STRBP: variants seen among roughly 807,000 people sequenced by gnomAD.
STRBP encodes the protein spermatid perinuclear RNA binding protein.
Under a neutral mutation model 80.1 loss-of-function variants are expected in STRBP, and 13 were observed. The ratio of observed to expected loss-of-function variants is 0.16; its 90% CI spans 0.11 to 0.26. The LOEUF (loss-of-function observed/expected upper bound fraction) is 0.26. STRBP is among the 10% of genes least tolerant of loss of function. STRBP has a pLI of 1.00. For synonymous variants in STRBP, 284 were observed against 291.2 expected (o/e 0.98, Z 0.25); for missense variants, 485 against 815.2 (o/e 0.59, Z 4.93).
intron 11 of STRBP, among the ~76,000 whole-genome samples, chr9:123,149,572 G>A (rs1348721408): frequency 6.6e-6 from 1 of 152,188 alleles, no homozygotes; most frequent in Non-Finnish European, 1.5e-5. Context: ...GCTGTAAAAT[G>A]TGGGGCTAAT....
intron 6 of STRBP, among the ~76,000 whole-genome samples, chr9:123,164,536 C>G (rs1189113012): frequency 1.3e-5 from 2 of 152,130 alleles, no homozygotes; most frequent in Non-Finnish European, 2.9e-5. Context: ...TCTCTCAATG[C>G]CTTACATGCA....
intron 1 of STRBP, among the ~76,000 whole-genome samples, chr9:123,263,183 T>C (rs2132658476): frequency 6.6e-6 from 1 of 151,372 alleles, no homozygotes; most frequent in South Asian, 2.1e-4. Context: ...CCTAAGAGAG[T>C]AAACTATTAG....
At chr9:123,111,245 G>T (rs906895302) in intron 3 of STRBP, 2 of 184,824 alleles carry the variant, frequency 1.1e-5, no homozygotes, top group Non-Finnish European at 2.5e-5. Flanking sequence ...GTCTTGCCAC[G>T]GACCCACCAC....
chr9:123,204,326 C>G (rs920177094), intron 2 of STRBP, among the ~76,000 whole-genome samples: 13 of 152,178 alleles, frequency 8.5e-5, no homozygotes, highest in Non-Finnish European at 1.8e-4. Context: ...AGAACTAACC[C>G]TAGAATTGGG....
At chr9:123,218,606 T>C (rs2039976272) in intron 2 of STRBP, among the ~76,000 whole-genome samples, 1 of 151,350 alleles carries the variant, frequency 6.6e-6, no homozygotes, top group Admixed American at 6.6e-5. Flanking sequence ...CCTGACCTCA[T>C]GATCCACCCG....
intron 13 of STRBP, among the ~76,000 whole-genome samples, chr9:123,141,916 A>C (rs1414584769): frequency 6.6e-6 from 1 of 152,256 alleles, no homozygotes; most frequent in Non-Finnish European, 1.5e-5. Flanking sequence ...GCAACTGATA[A>C]AGATTCTCTT....
In STRBP at chr9:123,111,875, G is replaced by A. The variant is rs2035573156; in HGVS notation, c.*85-2122C>T. On this transcript the variant is annotated intron_variant and NMD_transcript_variant, in intron 3 of 3. Coordinates refer to the STRBP transcript ENST00000471564. ...GCAGCAAAATCCGAGAGGCACTTCT[G>A]TACCAGAGGGAGCCCGACAAGTCTA... 4.9e-5 allele frequency: 11 copies of A among 225,566 alleles called. No homozygotes were observed. In the South Asian group the frequency reaches 6.1e-4, roughly 12 times the overall value. 14.0% of individuals were successfully genotyped at this position (225,566 alleles called of 1,614,324 possible).
exon 4 of STRBP, chr9:123,109,643 G>A (rs1037188613): frequency 1.3e-5 from 2 of 152,264 alleles, no homozygotes; most frequent in South Asian, 2.1e-4. Flanking sequence ...GCCACAGTGC[G>A]GGTGCTGCCT....
chr9:123,115,037 A>T lies in STRBP; in HGVS notation c.*84+892T>A. ...CTTGGCTATCCAACTGTCCCAATCGACCCTCTGGAACTCACTATTGTGGAC... is the reference window on the plus strand; with the variant it reads ...CTTGGCTATCCAACTGTCCCAATCGTCCCTCTGGAACTCACTATTGTGGAC... On this transcript the variant is annotated intron_variant and NMD_transcript_variant, in intron 3 of 3. Coordinates refer to the STRBP transcript ENST00000471564. The surrounding 1 kb of genome is among the most constrained non-coding windows in gnomAD (Gnocchi z 5.0). 5.4e-6 allele frequency: 2 copies of T among 370,756 alleles called. No homozygotes were observed. The allele number at this position is 370,756 out of a possible 1,614,324, so 23.0% of individuals were successfully genotyped here.
intron 2 of STRBP, among the ~76,000 whole-genome samples, chr9:123,220,483 G>T (rs2040032584): frequency 2.0e-5 from 3 of 152,202 alleles, no homozygotes; most frequent in African/African-American, 7.2e-5. Context: ...ACTGTACATT[G>T]TACAAGCAGT....
chr9:123,162,148 A>G (rs1195586798), intron 6 of STRBP, among the ~76,000 whole-genome samples: 2 of 152,190 alleles, frequency 1.3e-5, no homozygotes, highest in Non-Finnish European at 2.9e-5. Flanking sequence ...TAAATGGGAG[A>G]CAATAACAAA....
chr9:123,169,172 C>CTT (rs397950031), intron 6 of STRBP, among the ~76,000 whole-genome samples: 118 of 136,916 alleles, frequency 8.6e-4, no homozygotes, highest in Admixed American at 2.9e-4. Flanking sequence ...GCAAATAATT[C>CTT]TTTTTTTTTT....
rs1321894802 is a variant in STRBP, at chr9:123,136,036, C to T, written c.1773+5G>A. The T allele has an allele frequency of 6.2e-7, 1 of 1,613,894 alleles. No homozygotes were observed. The highest frequency in any genetic ancestry group is 8.5e-7 in the Non-Finnish European group (1 of 1,179,974). On this transcript the variant is annotated splice_donor_5th_base_variant and intron_variant, in intron 16 of 18. Transcript: ENST00000348403. The surrounding 1 kb of genome is among the most constrained non-coding windows in gnomAD (Gnocchi z 4.2). The stretch of plus-strand genomic sequence containing the variant: ...GTTCTGCAAAGGTTTAATGTTTACT[C>T]ATACCTGAGGGATAATCTTCTTTTT...
chr9:123,238,689 A>T (rs558728208), intron 1 of STRBP, among the ~76,000 whole-genome samples: 1 of 152,344 alleles, frequency 6.6e-6, no homozygotes, highest in South Asian at 2.1e-4. Flanking sequence ...CAAATAAGCT[A>T]AAGATGAGAA....
downstream of STRBP, among the ~76,000 whole-genome samples, chr9:123,118,533 G>A (rs990149919): frequency 4.6e-5 from 7 of 152,248 alleles, no homozygotes; most frequent in Admixed American, 6.5e-5. Context: ...GTTGACAACT[G>A]ATCAGTCAAG....
At chr9:123,223,494 TCA>T (rs2040139405) in intron 2 of STRBP, among the ~76,000 whole-genome samples, 1 of 152,162 alleles carries the variant, frequency 6.6e-6, no homozygotes, top group Admixed American at 6.6e-5. Flanking sequence ...TATTACATGC[TCA>T]ATTTTTATGT....
intron 13 of STRBP, among the ~76,000 whole-genome samples, chr9:123,146,075 T>G (rs2036800504): frequency 6.6e-6 from 1 of 151,954 alleles, no homozygotes; most frequent in African/African-American, 2.4e-5. Flanking sequence ...CAAAATGAAA[T>G]GACCATGAAA....
chr9:123,167,237 T>C (rs535679243), intron 6 of STRBP, among the ~76,000 whole-genome samples: 2 of 152,020 alleles, frequency 1.3e-5, no homozygotes, highest in South Asian at 2.1e-4. Flanking sequence ...TGAAGGAAAG[T>C]TGAGATACTA....
intron 6 of STRBP, among the ~76,000 whole-genome samples, chr9:123,169,412 C>G (rs900180646): frequency 6.6e-6 from 1 of 152,040 alleles, no homozygotes; most frequent in African/African-American, 2.4e-5. Flanking sequence ...CTCAAGCAAT[C>G]CACACACCTC....
Sources: allele counts gnomAD v4.1 joint callset (sites outside exome capture counted in the v4.1 genomes callset), GRCh38; gene constraint gnomAD v4.1.1; non-coding constraint Gnocchi (gnomAD v3.1); transcripts MANE v1.5; gene names NCBI Gene and HGNC (gene_info 2026-07-23, HGNC 2026-07-21).